The following OR10S1 variants were observed in gnomAD, a reference collection of about 807,000 sequenced individuals.
OR10S1 encodes olfactory receptor family 10 subfamily S member 1, also known as olfactory receptor 10S1.
For missense variants in OR10S1, 415 were observed against 407.9 expected, an observed-to-expected ratio of 1.02 and a Z score of -0.15; for synonymous variants, 167 against 164.1, an observed-to-expected ratio of 1.02 and a Z score of -0.13.
exon 1 of OR10S1, chr11:123,977,719 G>T (rs1445609589): frequency 1.3e-6 from 2 of 1,579,514 alleles, no homozygotes; most frequent in African/African-American, 1.3e-5. Context: ...TGACATTAAT[G>T]GAATAAATAG....
chr11:123,977,274 T>C lies in OR10S1; in HGVS notation c.391A>G (p.Ile131Val), dbSNP rs763606516. The change falls in exon 1 of 1, where the codon ATC becomes GTC. Residue 131 changes from isoleucine (I) to valine (V), a missense_variant. Coordinates refer to ENST00000641123, the Ensembl canonical transcript of OR10S1. ...ACTGGGTAGTGCAGGGGTTGACAGATAGCCAGATAGCGGTCATAGGCCATG... is the reference window on the plus strand; with the variant it reads ...ACTGGGTAGTGCAGGGGTTGACAGACAGCCAGATAGCGGTCATAGGCCATG... 4 of 1,614,012 alleles carry C rather than the reference T, an allele frequency of 2.5e-6. No homozygotes were observed. The highest frequency in any genetic ancestry group is 3.4e-6 in the Non-Finnish European group (4 of 1,180,040).
exon 1 of OR10S1, chr11:123,977,208 T>G: frequency 1.9e-6 from 3 of 1,614,122 alleles, no homozygotes; most frequent in Non-Finnish European, 2.5e-6. Context: ...ATGGCCCAGG[T>G]GATTCCAGCC....
At chr11:123,977,600 C>T in exon 1 of OR10S1, 1 of 1,611,082 alleles carries the variant, frequency 6.2e-7, no homozygotes, top group Non-Finnish European at 8.5e-7. Flanking sequence ...AGCGGTGTAC[C>T]TCAAACCCTC....
chr11:123,977,681 C>A, exon 1 of OR10S1: 1 of 1,599,040 alleles, frequency 6.3e-7, no homozygotes, highest in South Asian at 1.1e-5. Context: ...ACACACAGAG[C>A]GGCTAGTCAT....
chr11:123,977,500 A>T (rs745935163), exon 1 of OR10S1: 1 of 1,614,044 alleles, frequency 6.2e-7, no homozygotes, highest in Non-Finnish European at 8.5e-7. Flanking sequence ...GGTGAGAGTC[A>T]GAGCCCACAG....
rs777181185 is a variant in OR10S1 at position 123,977,189 on chromosome 11, G to A, written c.476C>T (p.Thr159Met). 1.9e-5 allele frequency: 31 copies of A among 1,614,070 alleles called. 1 individual carries two copies. The highest frequency in any genetic ancestry group is 3.3e-4 in the Middle Eastern group (2 of 6,084). The change falls in exon 1 of 1, where the codon ACG becomes ATG. Residue 159 changes from threonine to methionine, a missense_variant. Thr to Met is a moderately conservative substitution (Grantham distance 81). Coordinates refer to ENST00000641123, the Ensembl canonical transcript of OR10S1. ...GAGGGAGGTGTGGATTGCAGCGTGC[G>A]TGGCACCTATGGCCCAGGTGATTCC...
At chr11:123,976,682 T>C (rs1863721186) in exon 1 of OR10S1, 1 of 1,568,550 alleles carries the variant, frequency 6.4e-7, no homozygotes, top group African/African-American at 1.4e-5. Flanking sequence ...AATTGTGAGT[T>C]TTGATAGCAC....
chr11:123,977,276 G>A, exon 1 of OR10S1: 1 of 1,614,192 alleles, frequency 6.2e-7, no homozygotes, highest in Non-Finnish European at 8.5e-7. Flanking sequence ...TTGACAGATA[G>A]CCAGATAGCG....
exon 1 of OR10S1, chr11:123,977,112 C>G (rs748991297): frequency 1.9e-6 from 3 of 1,614,154 alleles, no homozygotes; most frequent in Non-Finnish European, 2.5e-6. Context: ...GGGGGTATGT[C>G]GCAGAAGAAG....
chr11:123,977,170 G>A (rs755403568), exon 1 of OR10S1: 2 of 1,614,100 alleles, frequency 1.2e-6, no homozygotes, highest in African/African-American at 2.7e-5. Flanking sequence ...AGGTGAGGGA[G>A]GTGTGGATTG....
chr11:123,977,557 G>A (rs1180549644), exon 1 of OR10S1: 1 of 1,613,690 alleles, frequency 6.2e-7, no homozygotes, highest in African/African-American at 1.3e-5. Flanking sequence ...TGTAGATGAG[G>A]AGGAAGAGGA....
chr11:123,976,990 G>T, exon 1 of OR10S1: 1 of 1,614,096 alleles, frequency 6.2e-7, no homozygotes, highest in Non-Finnish European at 8.5e-7. Context: ...CTGCCACGAT[G>T]AAGATGTAGG....
At chr11:123,977,198 A>G (rs1161317023) in exon 1 of OR10S1, 10 of 1,614,060 alleles carry the variant, frequency 6.2e-6, no homozygotes, top group South Asian at 1.1e-5. Flanking sequence ...CGTGGCACCT[A>G]TGGCCCAGGT....
exon 1 of OR10S1, chr11:123,976,836 G>A: frequency 1.9e-6 from 3 of 1,614,148 alleles, no homozygotes; most frequent in Non-Finnish European, 2.5e-6. Context: ...AAGACAGCAG[G>A]GGCCCCAGCT....
At position 123,977,010 on chromosome 11, in the gene OR10S1, T is replaced by C; in HGVS notation, c.655A>G (p.Ile219Val). 2 of 1,613,992 alleles carry C rather than the reference T, an allele frequency of 1.2e-6. No individual in the cohort carries two copies. The highest frequency in any genetic ancestry group is 1.7e-6 in the Non-Finnish European group (2 of 1,180,002). ...ACGATGAAGATGTAGGAAATAACGA[T>C]GAGGATGAGGCAGCCTGCAGCCACG... is the stretch of plus-strand genomic sequence containing the variant. Residue 219 changes from isoleucine to valine, a missense_variant, in exon 1 of 1, where the codon ATC becomes GTC. Ile to Val is a conservative substitution (Grantham distance 29, BLOSUM62 3). Transcript: ENST00000641123.
exon 1 of OR10S1, chr11:123,977,579 C>T (rs1420929090): frequency 1.2e-6 from 2 of 1,613,264 alleles, no homozygotes; most frequent in Non-Finnish European, 1.7e-6. Flanking sequence ...GAAGAAGAGG[C>T]TAGAATGTTT....
At chr11:123,977,569 G>A (rs1252813511) in exon 1 of OR10S1, 6 of 1,613,646 alleles carry the variant, frequency 3.7e-6, no homozygotes, top group Non-Finnish European at 4.2e-6. Context: ...GGAAGAGGAG[G>A]AAGAAGAGGC....
exon 1 of OR10S1, chr11:123,977,538 C>T: frequency 6.2e-7 from 1 of 1,613,970 alleles, no homozygotes; most frequent in Admixed American, 1.7e-5. Context: ...TTCCCAGCCA[C>T]AGTGATGCTG....
chr11:123,976,754 A>T, exon 1 of OR10S1: 1 of 1,614,190 alleles, frequency 6.2e-7, no homozygotes, highest in Non-Finnish European at 8.5e-7. Flanking sequence ...AAGCCTTTGC[A>T]GAGCATGCTT....
Sources: allele counts gnomAD v4.1 joint callset, GRCh38; gene constraint gnomAD v4.1.1; transcripts MANE v1.5; gene names NCBI Gene and HGNC (gene_info 2026-07-23, HGNC 2026-07-21).